Variants in HORMAD2 observed in about 807,000 individuals in gnomAD.
The protein encoded by HORMAD2 is HORMA domain containing 2, also known as HORMA domain-containing protein 2.
In HORMAD2, 45 loss-of-function variants were observed where a neutral mutation model predicts 38.8. That is an observed-to-expected ratio of 1.16 (90% confidence interval 0.91 to 1.49). HORMAD2 has a LOEUF of 1.49. HORMAD2 is among the 40% of genes most tolerant of loss of function. The pLI is 0.00. For synonymous variants in HORMAD2, 126 were observed against 122.8 expected (o/e 1.03, Z -0.17); for missense variants, 338 against 367.0 (o/e 0.92, Z 0.65).
chr22:30,201,671 C>T, the HORMAD2 span, among the ~76,000 whole-genome samples: 1 of 152,214 alleles, frequency 6.6e-6, no homozygotes, highest in Non-Finnish European at 1.5e-5. Context: ...CCGCCTCGGC[C>T]TCCCAAAATG....
chr22:30,205,312 C>T, the HORMAD2 span, among the ~76,000 whole-genome samples: 2 of 152,142 alleles, frequency 1.3e-5, no homozygotes, highest in Non-Finnish European at 2.9e-5. Flanking sequence ...TTCCTAACCA[C>T]AGCGCTCTCC....
the HORMAD2 span, among the ~76,000 whole-genome samples, chr22:30,182,402 C>T: frequency 3.8e-4 from 58 of 152,258 alleles, no homozygotes; most frequent in Admixed American, 1.0e-3. Flanking sequence ...GGAGGGAGGT[C>T]CTTTGTAGCA....
chr22:30,111,727 C>T, intron 5 of HORMAD2, 69 bp from the exon 6 acceptor site: 3 of 1,204,302 alleles, frequency 2.5e-6, no homozygotes, highest in Non-Finnish European at 3.5e-6. Context: ...TTTAATTAGT[C>T]TATTGAAAAG....
At chr22:30,082,097 T>G (rs1245367563) in intron 1 of HORMAD2, among the ~76,000 whole-genome samples, 1 of 152,220 alleles carries the variant, frequency 6.6e-6, no homozygotes, top group East Asian at 1.9e-4. Context: ...TTGGAAGATG[T>G]CTGTGCTCCC....
intron 10 of HORMAD2, among the ~76,000 whole-genome samples, chr22:30,126,990 T>C (rs997029010): frequency 6.6e-6 from 1 of 152,164 alleles, no homozygotes; most frequent in African/African-American, 2.4e-5. Context: ...ATTGGCCATG[T>C]TGAATATTTT....
At chr22:30,164,731 C>G (rs1925671449) in intron 10 of HORMAD2, among the ~76,000 whole-genome samples, 3 of 152,110 alleles carry the variant, frequency 2.0e-5, no homozygotes, top group Admixed American at 1.3e-4. Flanking sequence ...TGGGCTCAGG[C>G]GATCCTCCTG....
intron 10 of HORMAD2, among the ~76,000 whole-genome samples, chr22:30,134,347 C>T (rs1273756033): frequency 1.4e-5 from 2 of 146,484 alleles, no homozygotes; most frequent in African/African-American, 2.5e-5. Context: ...TGCAGTGAGC[C>T]GAGATCACAC....
chr22:30,139,112 C>T (rs1923874196), intron 10 of HORMAD2, among the ~76,000 whole-genome samples: 1 of 151,630 alleles, frequency 6.6e-6, no homozygotes, highest in Non-Finnish European at 1.5e-5. Flanking sequence ...AGCCTGTTGG[C>T]CTTCAGACTG....
At chr22:30,167,082 T>C (rs1209242406) in intron 10 of HORMAD2, among the ~76,000 whole-genome samples, 1 of 152,194 alleles carries the variant, frequency 6.6e-6, no homozygotes, top group East Asian at 1.9e-4. Flanking sequence ...ACACTCCCTC[T>C]GGGGGCTCTA....
intron 10 of HORMAD2, among the ~76,000 whole-genome samples, chr22:30,122,951 T>C (rs1922565438): frequency 6.6e-6 from 1 of 152,208 alleles, no homozygotes. Context: ...GAAGGGATGC[T>C]ATAAGATCTT....
chr22:30,135,139 G>A (rs1366741123), intron 10 of HORMAD2, among the ~76,000 whole-genome samples: 5 of 152,006 alleles, frequency 3.3e-5, no homozygotes, highest in East Asian at 3.9e-4. Flanking sequence ...AGGGGAGAGC[G>A]TGTAAAATTT....
chr22:30,194,494 A>G, the HORMAD2 span, among the ~76,000 whole-genome samples: 2 of 152,192 alleles, frequency 1.3e-5, no homozygotes, highest in Non-Finnish European at 2.9e-5. Flanking sequence ...CAATATAGGG[A>G]AGAAGTATCT....
At chr22:30,107,989 C>T (rs751380281) in intron 5 of HORMAD2, among the ~76,000 whole-genome samples, 1 of 151,388 alleles carries the variant, frequency 6.6e-6, no homozygotes, top group Non-Finnish European at 1.5e-5. Flanking sequence ...CTGCCTCAGC[C>T]TCCCAAGTAG....
intron 10 of HORMAD2, among the ~76,000 whole-genome samples, chr22:30,122,979 G>A (rs1922567109): frequency 6.6e-6 from 1 of 152,138 alleles, no homozygotes; most frequent in African/African-American, 2.4e-5. Context: ...GATATTTTAA[G>A]ATTAGAATGA....
chr22:30,116,275 G>T (rs1013763939), intron 7 of HORMAD2, among the ~76,000 whole-genome samples: 1 of 152,146 alleles, frequency 6.6e-6, no homozygotes, highest in African/African-American at 2.4e-5. Flanking sequence ...GATGGGTAGG[G>T]CCTTGCAAAT....
intron 2 of HORMAD2, among the ~76,000 whole-genome samples, chr22:30,098,516 A>G (rs1446886773): frequency 6.6e-6 from 1 of 152,180 alleles, no homozygotes; most frequent in Non-Finnish European, 1.5e-5. Flanking sequence ...TAGTTTAGAA[A>G]GGAAAGGAGG....
At chr22:30,116,567 C>A (rs1006057713) in intron 7 of HORMAD2, among the ~76,000 whole-genome samples, 7 of 152,018 alleles carry the variant, frequency 4.6e-5, no homozygotes, top group African/African-American at 1.7e-4. Context: ...ATGAGCAGTT[C>A]AATGGTTCAT....
At chr22:30,114,446 A>G (rs1282640792) in intron 7 of HORMAD2, among the ~76,000 whole-genome samples, 3 of 152,174 alleles carry the variant, frequency 2.0e-5, no homozygotes, top group Non-Finnish European at 1.5e-5. Context: ...ACATTATTTT[A>G]TGATTGCTAT....
chr22:30,181,402 A>G (rs1926711619), downstream of HORMAD2, among the ~76,000 whole-genome samples: 1 of 151,990 alleles, frequency 6.6e-6, no homozygotes, highest in African/African-American at 2.4e-5. Context: ...CATGCTTCCA[A>G]TTGCCTCTGT....
Sources: allele counts gnomAD v4.1 joint callset (sites outside exome capture counted in the v4.1 genomes callset), GRCh38; gene constraint gnomAD v4.1.1; transcripts MANE v1.5; gene names NCBI Gene and HGNC (gene_info 2026-07-23, HGNC 2026-07-21).